Variants in DPP10 observed in about 807,000 individuals in gnomAD.
The protein encoded by DPP10 is inactive dipeptidyl peptidase 10.
In DPP10, 33 loss-of-function variants were observed where a neutral mutation model predicts 120.9. The observed-to-expected ratio is 0.27, with a 90% CI of 0.21 to 0.37. DPP10 has a LOEUF of 0.37. Among genes scored for constraint, DPP10 ranks in the 10% least tolerant of loss-of-function variants. DPP10 has a pLI of 1.00. For missense variants in DPP10, 816 were observed against 942.8 expected (o/e 0.87, Z 1.76); for synonymous variants, 337 against 326.1 (o/e 1.03, Z -0.36).
At chr2:115,362,287 G>C (rs551467062) in intron 3 of DPP10, among the ~76,000 whole-genome samples, 6 of 152,146 alleles carry the variant, frequency 3.9e-5, no homozygotes, top group Admixed American at 1.3e-4. Flanking sequence ...TGTAAGTGGG[G>C]CAACTAAGGC....
chr2:114,588,952 C>G (rs1368601095), intron 1 of DPP10, among the ~76,000 whole-genome samples: 1 of 147,462 alleles, frequency 6.8e-6, no homozygotes, highest in East Asian at 2.0e-4. Flanking sequence ...GTATCTGATT[C>G]TCTCTGGAAA....
intron 1 of DPP10, among the ~76,000 whole-genome samples, chr2:114,677,440 A>G (rs1698741695): frequency 6.6e-6 from 1 of 152,146 alleles, no homozygotes; most frequent in Admixed American, 6.6e-5. Context: ...GGGCTGAAAT[A>G]CATCTCATAG....
At chr2:115,335,195 G>T (rs1226214603) in intron 2 of DPP10, among the ~76,000 whole-genome samples, 1 of 151,912 alleles carries the variant, frequency 6.6e-6, no homozygotes, top group African/African-American at 2.4e-5. Context: ...GTGAAGGAAA[G>T]ACCTGACCCC....
intron 1 of DPP10, among the ~76,000 whole-genome samples, chr2:114,898,249 CA>C (rs1026153470): frequency 6.9e-6 from 1 of 144,522 alleles, no homozygotes; most frequent in African/African-American, 2.6e-5. Context: ...ATCGCAAGGA[CA>C]AAAAACCAAA....
chr2:115,389,626 G>A (rs994958459), intron 3 of DPP10, among the ~76,000 whole-genome samples: 1 of 152,130 alleles, frequency 6.6e-6, no homozygotes, highest in African/African-American at 2.4e-5. Context: ...TAAGTGGCTG[G>A]ATGGTGAGAA....
intron 3 of DPP10, among the ~76,000 whole-genome samples, chr2:115,447,573 T>C (rs2072724761): frequency 2.0e-5 from 3 of 152,136 alleles, no homozygotes; most frequent in Non-Finnish European, 4.4e-5. Context: ...GGATCATGGG[T>C]ACGGTTCCTC....
chr2:115,166,964 T>G (rs182301973), intron 1 of DPP10, among the ~76,000 whole-genome samples: 3 of 152,316 alleles, frequency 2.0e-5, no homozygotes, highest in Non-Finnish European at 4.4e-5. Flanking sequence ...GTGACTAAGA[T>G]TGTGAGATTT....
At chr2:115,453,365 T>C (rs56024366) in intron 3 of DPP10, among the ~76,000 whole-genome samples, 21,114 of 151,474 alleles carry the variant, frequency 0.14, 3,222 homozygotes, top group African/African-American at 0.37. Context: ...TTTTTTTTCT[T>C]AGAATAAACA....
At chr2:115,426,995 G>T (rs577693169) in intron 3 of DPP10, among the ~76,000 whole-genome samples, 59 of 152,206 alleles carry the variant, frequency 3.9e-4, no homozygotes, top group Non-Finnish European at 7.9e-4. Flanking sequence ...CCCAAATGGA[G>T]AAATCAGCCA....
intron 3 of DPP10, among the ~76,000 whole-genome samples, chr2:115,439,547 C>T (rs1287257804): frequency 6.6e-6 from 1 of 152,094 alleles, no homozygotes; most frequent in Admixed American, 6.6e-5. Flanking sequence ...AAACAACTTA[C>T]AAAATAGAAT....
At chr2:115,330,376 C>T (rs1283428678) in intron 2 of DPP10, among the ~76,000 whole-genome samples, 26 of 151,002 alleles carry the variant, frequency 1.7e-4, no homozygotes, top group African/African-American at 2.2e-4. Flanking sequence ...TTCTCCCATT[C>T]TGTAGGTTGC....
At chr2:115,756,444 TATAA>T (rs1679414959) in intron 11 of DPP10, among the ~76,000 whole-genome samples, 1 of 152,116 alleles carries the variant, frequency 6.6e-6, no homozygotes, top group South Asian at 2.1e-4. Context: ...ACTCTGTATT[TATAA>T]ATATATACAG....
intron 1 of DPP10, among the ~76,000 whole-genome samples, chr2:115,189,643 G>T (rs1324248050): frequency 6.6e-6 from 1 of 151,942 alleles, no homozygotes; most frequent in Non-Finnish European, 1.5e-5. Flanking sequence ...ACATGACTTG[G>T]CTTAGTTGTT....
At position 114,472,627 on chromosome 2, in the gene DPP10, G is replaced by T. The variant is rs149013489; in HGVS notation, c.60+29789G>T. ...TTGTCCTGATATTATTATCTCAGGGGACTCACAGTCAGGAAGAGTTGGTAA... is the reference window on the plus strand; with the variant it reads ...TTGTCCTGATATTATTATCTCAGGGTACTCACAGTCAGGAAGAGTTGGTAA... On this transcript the variant is annotated intron_variant, in intron 1 of 25. Coordinates refer to ENST00000410059, the MANE Select transcript of DPP10 (RefSeq NM_020868.6). Among the ~76,000 whole-genome samples the T allele has an allele frequency of 3.7e-3, 567 of 152,282 alleles. 4 individuals are homozygous for T. Among genetic ancestry groups the T allele is most frequent in the African/African-American group, 0.013 (526 of 41,562 alleles).
intron 1 of DPP10, among the ~76,000 whole-genome samples, chr2:114,985,161 C>T (rs2104884821): frequency 6.6e-6 from 1 of 152,230 alleles, no homozygotes; most frequent in East Asian, 1.9e-4. Flanking sequence ...TACTTATTTC[C>T]AGTTATACTG....
In DPP10 at chr2:114,722,052, G is replaced by T. The variant is rs549489589; in HGVS notation, c.60+279214G>T. ...GCTCCATAACTAGCTACAAATGCCA[G>T]TTTTTTCATTTATCTTATATGAGGG... On this transcript the variant is annotated intron_variant, in intron 1 of 25. Coordinates refer to ENST00000410059, the MANE Select transcript of DPP10 (RefSeq NM_020868.6). Among the ~76,000 whole-genome samples, 4 of 152,224 alleles carry T rather than the reference G, an allele frequency of 2.6e-5. No individual in the cohort carries two copies. In the South Asian group the frequency reaches 6.2e-4, roughly 24 times the overall value.
chr2:114,530,083 T>C (rs1426047309), intron 1 of DPP10, among the ~76,000 whole-genome samples: 1 of 152,174 alleles, frequency 6.6e-6, no homozygotes, highest in Non-Finnish European at 1.5e-5. Flanking sequence ...TTCCTCTTCA[T>C]GACACTTTAT....
intron 1 of DPP10, among the ~76,000 whole-genome samples, chr2:114,995,463 C>T (rs6755919): frequency 0.98 from 148,683 of 152,232 alleles, 72,709 homozygotes; most frequent in Middle Eastern, 1. Context: ...TTCTAACAGG[C>T]TTCTAAACAG....
intron 1 of DPP10, among the ~76,000 whole-genome samples, chr2:115,107,145 T>G (rs1228171942): frequency 6.6e-6 from 1 of 151,898 alleles, no homozygotes; most frequent in Non-Finnish European, 1.5e-5. Context: ...CATCATAACT[T>G]CAACCACGGT....
Sources: allele counts gnomAD v4.1 joint callset (sites outside exome capture counted in the v4.1 genomes callset), GRCh38; gene constraint gnomAD v4.1.1; transcripts MANE v1.5; gene names NCBI Gene and HGNC (gene_info 2026-07-23, HGNC 2026-07-21).